The following SDCCAG8 variants were observed in gnomAD, a reference collection of about 807,000 sequenced individuals.
The protein encoded by SDCCAG8 is SHH signaling and ciliogenesis regulator SDCCAG8, also known as serologically defined colon cancer antigen 8.
Under a neutral mutation model 101.8 loss-of-function variants are expected in SDCCAG8, and 74 were observed. The ratio of observed to expected loss-of-function variants is 0.73; its 90% confidence interval spans 0.60 to 0.88. The LOEUF (loss-of-function observed/expected upper bound fraction) is 0.88, where lower values mean the gene tolerates loss of function less well. Among genes scored for constraint, SDCCAG8 ranks in the 40% least tolerant of loss-of-function variants. The probability of loss-of-function intolerance (pLI) is 0.00; values close to 1 mark genes in which losing one functional copy is unlikely to be tolerated. For missense variants in SDCCAG8, 787 were observed against 822.6 expected (o/e 0.96, Z 0.53); for synonymous variants, 281 against 292.9 (o/e 0.96, Z 0.41).
intron 1 of SDCCAG8, among the ~76,000 whole-genome samples, chr1:243,266,266 C>T (rs1450013226): frequency 6.6e-6 from 1 of 151,818 alleles, no homozygotes; most frequent in Non-Finnish European, 1.5e-5. Context: ...AAAACATATT[C>T]TTCCTGTCTG....
Position 243,364,817 on chromosome 1 carries a change from T to A in SDCCAG8, c.1474-13904T>A, listed in dbSNP as rs147462732. On this transcript the variant is annotated intron_variant, in intron 12 of 17. Transcript: ENST00000366541. ...CAAAAACCAAACCTAAGAAAATGCA[T>A]TTTTTTTCCTCTAAATTAAGAAATA... Among the ~76,000 whole-genome samples, 1,083 of 151,848 alleles carry A rather than the reference T, an allele frequency of 7.1e-3. 13 individuals are homozygous for A. Among genetic ancestry groups the A allele is most frequent in the African/African-American group, 0.024 (999 of 41,440 alleles).
chr1:243,476,114 G>A, intron 16 of SDCCAG8: 1 of 985,396 alleles, frequency 1.0e-6, no homozygotes, highest in Non-Finnish European at 1.2e-6. Flanking sequence ...ATGATTTATT[G>A]CTCTTTGCAG....
intron 13 of SDCCAG8, among the ~76,000 whole-genome samples, chr1:243,410,442 A>T (rs1300947797): frequency 1.3e-5 from 2 of 152,152 alleles, no homozygotes; most frequent in African/African-American, 4.8e-5. Context: ...ATAAATTCTC[A>T]CAAGTTTTTT....
intron 12 of SDCCAG8, among the ~76,000 whole-genome samples, chr1:243,346,921 A>G (rs751007581): frequency 1.3e-5 from 2 of 152,192 alleles, no homozygotes; most frequent in African/African-American, 2.4e-5. Flanking sequence ...GGTATAGGGA[A>G]TATTGTAATG....
chr1:243,474,874 A>C lies in SDCCAG8; in HGVS notation c.1986-14140A>C, dbSNP rs1662086479. ...CTCAACTCCGAGACTGAAGCATTTT[A>C]TTGGCAGCATTTAGAATCGGGGAAA... On this transcript the variant is annotated intron_variant, in intron 16 of 17. Transcript: ENST00000366541. The surrounding 1 kb of genome is among the most constrained non-coding windows in gnomAD (Gnocchi z 4.7). Among the ~76,000 whole-genome samples the C allele has an allele frequency of 6.6e-6, 1 of 152,206 alleles. No individual in the cohort carries two copies. Among genetic ancestry groups the C allele is most frequent in the Non-Finnish European group, 1.5e-5 (1 of 68,026 alleles).
intron 12 of SDCCAG8, 34 bp downstream of exon 12, chr1:243,344,365 TAG>T: frequency 1.5e-6 from 2 of 1,307,352 alleles, no homozygotes; most frequent in South Asian, 1.2e-5. Context: ...GCAGCAATTA[TAG>T]ATATGAGTAA....
intron 13 of SDCCAG8, among the ~76,000 whole-genome samples, chr1:243,390,017 A>G (rs2147940531): frequency 6.6e-6 from 1 of 152,362 alleles, no homozygotes; most frequent in Admixed American, 6.5e-5. Context: ...AAATTAAAAC[A>G]AAAAGTTGGG....
intron 16 of SDCCAG8, among the ~76,000 whole-genome samples, chr1:243,478,041 T>C (rs945881002): frequency 2.6e-5 from 4 of 152,212 alleles, no homozygotes; most frequent in African/African-American, 9.7e-5. Flanking sequence ...CAAGTCTGGT[T>C]CTCCTCACTG....
chr1:243,277,281 A>C (rs998807719), intron 4 of SDCCAG8, among the ~76,000 whole-genome samples: 2 of 152,230 alleles, frequency 1.3e-5, no homozygotes, highest in African/African-American at 4.8e-5. Context: ...AGAGTTCCTA[A>C]TACTCCATAT....
rs187353734 is a variant in SDCCAG8, at chr1:243,401,452, C to T, written c.1617-14250C>T. ...GAAACTAGTCGTTTCTTACTAGAAA[C>T]AAGTAATGAATGATATAAGGATGAT... On this transcript the variant is annotated intron_variant, in intron 13 of 17. Transcript: ENST00000366541. 2.2e-4 allele frequency among the ~76,000 whole-genome samples: 34 copies of T among 152,174 alleles called. No individual in the cohort carries two copies. In the East Asian group the frequency reaches 5.2e-3, roughly 23 times the overall value.
At chr1:243,272,671 A>C (rs1456241809) in intron 3 of SDCCAG8, among the ~76,000 whole-genome samples, 1 of 152,224 alleles carries the variant, frequency 6.6e-6, no homozygotes, top group South Asian at 2.1e-4. Flanking sequence ...AGTTTAGTAC[A>C]TACAGAGTGC....
chr1:243,499,061 G>A (rs918404059), intron 17 of SDCCAG8, among the ~76,000 whole-genome samples: 2 of 152,172 alleles, frequency 1.3e-5, no homozygotes, highest in African/African-American at 4.8e-5. Flanking sequence ...TCTAGTTCCT[G>A]ATGTGGTTTA....
At chr1:243,318,282 G>T (rs959528061) in intron 9 of SDCCAG8, among the ~76,000 whole-genome samples, 2 of 152,132 alleles carry the variant, frequency 1.3e-5, no homozygotes, top group East Asian at 3.9e-4. Flanking sequence ...ATATTCTTAC[G>T]TATAAGTGGG....
intron 17 of SDCCAG8, among the ~76,000 whole-genome samples, chr1:243,497,717 G>T (rs1297571783): frequency 6.6e-6 from 1 of 152,192 alleles, no homozygotes; most frequent in African/African-American, 2.4e-5. Context: ...ATTCTGTATT[G>T]TGTGTACGTG....
At chr1:243,465,752 C>A (rs1220184138) in intron 16 of SDCCAG8, among the ~76,000 whole-genome samples, 1 of 152,122 alleles carries the variant, frequency 6.6e-6, no homozygotes, top group Non-Finnish European at 1.5e-5. Flanking sequence ...GTTTTCTTCC[C>A]AAACAGCTGT....
intron 12 of SDCCAG8, among the ~76,000 whole-genome samples, chr1:243,368,071 C>T (rs575773677): frequency 1.1e-4 from 17 of 151,848 alleles, no homozygotes; most frequent in Middle Eastern, 6.8e-3. Context: ...CAGAAATTAG[C>T]CTGGCATGGT....
At chr1:243,311,812 TTTTATA>T (rs1369206226) in intron 8 of SDCCAG8, among the ~76,000 whole-genome samples, 1 of 152,154 alleles carries the variant, frequency 6.6e-6, no homozygotes, top group African/African-American at 2.4e-5. Context: ...TTATGTTGCC[TTTTATA>T]TTATCCTTCT....
At chr1:243,259,393 C>T (rs1226646349) in intron 1 of SDCCAG8, among the ~76,000 whole-genome samples, 4 of 151,486 alleles carry the variant, frequency 2.6e-5, no homozygotes, top group South Asian at 2.1e-4. Context: ...GGCGACAGAG[C>T]GAGACTCTGT....
rs369038304 is a variant in SDCCAG8, at chr1:243,440,314, TAAAA to T, written c.1985+13762_1985+13765del. 1.1e-4 allele frequency among the ~76,000 whole-genome samples: 16 copies of T among 151,348 alleles called. No individual in the cohort carries two copies. In the East Asian group the frequency reaches 2.9e-3, roughly 27 times the overall value. ...ACTTAATAGTATATCATTATTAAATTAAAAAAAAAGGAAAAGAAAAACATTAACT... is the reference window on the plus strand; with the variant it reads ...ACTTAATAGTATATCATTATTAAATTAAAAAGGAAAAGAAAAACATTAACT... On this transcript the variant is annotated intron_variant, in intron 16 of 17. Coordinates refer to ENST00000366541, the MANE Select transcript of SDCCAG8 (RefSeq NM_006642.5).
Sources: gnomAD v4.1 joint callset for allele counts (sites outside exome capture counted in the v4.1 genomes callset) on GRCh38, gnomAD v4.1.1 for gene constraint, Gnocchi (gnomAD v3.1) non-coding constraint, MANE v1.5 for transcripts, NCBI Gene and HGNC (gene_info 2026-07-23, HGNC 2026-07-21) for gene names.